Variants in TENM2 observed in about 807,000 individuals in gnomAD.
The protein encoded by TENM2 is teneurin transmembrane protein 2.
In TENM2, 52 loss-of-function variants were observed where a neutral mutation model predicts 245.2. The ratio of observed to expected loss-of-function variants is 0.21; its 90% CI spans 0.17 to 0.27. TENM2 has a LOEUF of 0.27. TENM2 is among the 10% of genes least tolerant of loss of function. TENM2 has a pLI of 1.00. For missense variants in TENM2, 3,046 were observed against 3,666.8 expected (o/e 0.83, Z 4.37); for synonymous variants, 1,363 against 1,438.9 (o/e 0.95, Z 1.19).
chr5:167,641,215 G>C (rs1779593628), intron 2 of TENM2, among the ~76,000 whole-genome samples: 1 of 151,920 alleles, frequency 6.6e-6, no homozygotes, highest in Non-Finnish European at 1.5e-5. Flanking sequence ...AGTTAATACT[G>C]CCTCAAAATC....
chr5:168,009,101 C>G (rs1239733340), intron 5 of TENM2, among the ~76,000 whole-genome samples: 3 of 152,154 alleles, frequency 2.0e-5, no homozygotes, highest in Non-Finnish European at 1.5e-5. Context: ...TTCTGCGAAC[C>G]AAGAAGAGTC....
intron 2 of TENM2, among the ~76,000 whole-genome samples, chr5:167,565,535 T>G (rs1207045807): frequency 6.6e-6 from 1 of 152,238 alleles, no homozygotes; most frequent in Non-Finnish European, 1.5e-5. Context: ...GCTTCCATAA[T>G]GCAATTCTTT....
Position 167,292,915 on chromosome 5 carries a change from G to A in TENM2, c.226+7852G>A, listed in dbSNP as rs184063536. On this transcript the variant is annotated intron_variant, in intron 1 of 28. Coordinates refer to ENST00000518659, the Ensembl canonical transcript of TENM2. ...GGAGGTTGGACAATCAAAGAGGCAA[G>A]ACAGTGTTCAGGCAAGAGTCATGGC... Among the ~76,000 whole-genome samples the A allele has an allele frequency of 3.3e-5, 5 of 152,342 alleles. No homozygotes were observed. In the East Asian group the frequency reaches 7.7e-4, roughly 24 times the overall value.
In TENM2 at chr5:167,479,497, A is replaced by G. The variant is rs1431889344; in HGVS notation, c.502+104024A>G. Among the ~76,000 whole-genome samples the G allele has an allele frequency of 3.9e-5, 6 of 152,194 alleles. No individual in the cohort carries two copies. The East Asian group carries it at 1.2e-3, about 29-fold the overall frequency. ...TGTTCATAGATTACTTTTTAGAAACACTGTCAAGTTTATAGTCTAAACAAA... is the reference window on the plus strand; with the variant it reads ...TGTTCATAGATTACTTTTTAGAAACGCTGTCAAGTTTATAGTCTAAACAAA... On this transcript the variant is annotated intron_variant, in intron 2 of 28. Coordinates refer to ENST00000518659, the Ensembl canonical transcript of TENM2.
chr5:167,526,047 T>C lies in TENM2; in HGVS notation c.502+150574T>C, dbSNP rs994176667. Among the ~76,000 whole-genome samples, 6 of 152,084 alleles carry C rather than the reference T, an allele frequency of 3.9e-5. No homozygotes were observed. In the South Asian group the frequency reaches 1.2e-3, roughly 32 times the overall value. ...ATTCAGAAATGGGTCTCCTTGTAAA[T>C]GGCCAACCCATTTAACAAAAGAAGA... is the stretch of plus-strand genomic sequence containing the variant. On this transcript the variant is annotated intron_variant, in intron 2 of 28. Transcript: ENST00000518659.
intron 2 of TENM2, among the ~76,000 whole-genome samples, chr5:167,663,184 G>GAA (rs1481506221): frequency 1.2e-4 from 16 of 129,988 alleles, no homozygotes; most frequent in African/African-American, 4.1e-4. Flanking sequence ...GAGAGAGAGA[G>GAA]AGAAAGAGAG....
chr5:167,544,771 C>T (rs1308795239), intron 2 of TENM2, among the ~76,000 whole-genome samples: 1 of 152,080 alleles, frequency 6.6e-6, no homozygotes, highest in Non-Finnish European at 1.5e-5. Context: ...CCTCATGGAG[C>T]TGATATTCTA....
intron 2 of TENM2, among the ~76,000 whole-genome samples, chr5:167,407,675 G>A (rs928985173): frequency 6.6e-6 from 1 of 152,016 alleles, no homozygotes; most frequent in South Asian, 2.1e-4. Flanking sequence ...AAAATTAGCT[G>A]GTGTGGTGGC....
At chr5:167,447,003 G>A (rs1765264341) in intron 2 of TENM2, among the ~76,000 whole-genome samples, 1 of 152,112 alleles carries the variant, frequency 6.6e-6, no homozygotes, top group African/African-American at 2.4e-5. Flanking sequence ...CTCCAAATGA[G>A]GGTTCCTTTG....
intron 2 of TENM2, among the ~76,000 whole-genome samples, chr5:167,484,030 G>T (rs1360668871): frequency 6.6e-6 from 1 of 152,094 alleles, no homozygotes; most frequent in Non-Finnish European, 1.5e-5. Flanking sequence ...TGTCTTGGAG[G>T]TTACACTACA....
chr5:167,147,470 T>C, the TENM2 span, among the ~76,000 whole-genome samples: 1 of 152,144 alleles, frequency 6.6e-6, no homozygotes, highest in African/African-American at 2.4e-5. Context: ...AGTTAAGCAG[T>C]AGCAGCTCAG....
chr5:167,475,649 C>T (rs1450168063), intron 2 of TENM2, among the ~76,000 whole-genome samples: 2 of 152,004 alleles, frequency 1.3e-5, no homozygotes, highest in Admixed American at 1.3e-4. Flanking sequence ...TCCCCTTGCC[C>T]CACCCTGCCC....
At chr5:167,828,178 A>T (rs910335459) in intron 2 of TENM2, among the ~76,000 whole-genome samples, 16 of 152,336 alleles carry the variant, frequency 1.1e-4, no homozygotes, top group Middle Eastern at 3.4e-3. Flanking sequence ...AGATGAGGAA[A>T]AGAAGTCAGT....
intron 2 of TENM2, among the ~76,000 whole-genome samples, chr5:167,503,482 G>A (rs776548812): frequency 5.3e-5 from 8 of 151,050 alleles, no homozygotes; most frequent in Non-Finnish European, 1.0e-4. Flanking sequence ...CAATGTGAAA[G>A]TTAATCTAAA....
At chr5:167,571,333 A>C (rs1247212321) in intron 2 of TENM2, among the ~76,000 whole-genome samples, 1 of 152,208 alleles carries the variant, frequency 6.6e-6, no homozygotes, top group Non-Finnish European at 1.5e-5. Flanking sequence ...GCTGGGATTC[A>C]ATCTTAGGCA....
intron 2 of TENM2, among the ~76,000 whole-genome samples, chr5:167,731,199 A>AC (rs1760406519): frequency 2.3e-5 from 1 of 42,582 alleles, no homozygotes; most frequent in East Asian, 1.0e-3. Context: ...CCCTCCAGAC[A>AC]GTTTTTTTTT....
chr5:167,792,125 CT>C (rs542425448), intron 2 of TENM2, among the ~76,000 whole-genome samples: 77 of 152,258 alleles, frequency 5.1e-4, no homozygotes, highest in African/African-American at 1.8e-3. Flanking sequence ...TTTCACAAAG[CT>C]GGCCTTGCTC....
At chr5:168,167,053 G>A (rs1439309695) in intron 13 of TENM2, among the ~76,000 whole-genome samples, 1 of 151,822 alleles carries the variant, frequency 6.6e-6, no homozygotes, top group Non-Finnish European at 1.5e-5. Context: ...CACGGCAGCT[G>A]GCAGACTGTC....
At chr5:167,314,267 A>T (rs897986536) in intron 1 of TENM2, among the ~76,000 whole-genome samples, 5 of 152,182 alleles carry the variant, frequency 3.3e-5, no homozygotes, top group African/African-American at 1.2e-4. Flanking sequence ...AAGGAAAAAA[A>T]ACAAATCCAG....
Sources: allele counts gnomAD v4.1 joint callset (sites outside exome capture counted in the v4.1 genomes callset), GRCh38; gene constraint gnomAD v4.1.1; transcripts MANE v1.5; gene names NCBI Gene and HGNC (gene_info 2026-07-23, HGNC 2026-07-21).